The following COG1 variants were observed in gnomAD, a reference collection of about 807,000 sequenced individuals.
COG1 encodes conserved oligomeric Golgi complex subunit 1.
COG1 carries 61 observed loss-of-function variants against 102.2 expected under a neutral mutation model. The ratio of observed to expected loss-of-function variants is 0.60; its 90% CI spans 0.49 to 0.74. The LOEUF (loss-of-function observed/expected upper bound fraction) is 0.74, where lower values mean the gene tolerates loss of function less well. Ranked by LOEUF, COG1 falls within the 30% of genes least tolerant of loss-of-function variation. The probability of loss-of-function intolerance (pLI) is 0.00; values close to 1 mark genes in which losing one functional copy is unlikely to be tolerated. For missense variants in COG1, 1,164 were observed against 1,232.1 expected, an observed-to-expected ratio of 0.94 and a Z score of 0.83; for synonymous variants, 454 against 493.6, an observed-to-expected ratio of 0.92 and a Z score of 1.06.
At chr17:73,198,869 G>A (rs114898996) in intron 4 of COG1, among the ~76,000 whole-genome samples, 2 of 152,362 alleles carry the variant, frequency 1.3e-5, no homozygotes, top group African/African-American at 2.4e-5. Flanking sequence ...AAGGTAGAAA[G>A]GAAACAGAAG....
At chr17:73,196,113 C>T (rs1251473061) in intron 1 of COG1, among the ~76,000 whole-genome samples, 3 of 152,148 alleles carry the variant, frequency 2.0e-5, no homozygotes, top group African/African-American at 7.2e-5. Context: ...TGTATCCTCA[C>T]GTGGGGGAAG....
At chr17:73,205,214 A>G (rs1360902816) in intron 9 of COG1, 1 of 316,558 alleles carries the variant, frequency 3.2e-6, no homozygotes, top group African/African-American at 2.2e-5. Flanking sequence ...ACAAATCCTG[A>G]TTTTGGAAAG....
At position 73,196,619 on chromosome 17, in the gene COG1, C is replaced by T; in HGVS notation, c.428C>T (p.Ala143Val). Residue 143 changes from alanine (A) to valine (V), a missense_variant, in exon 2 of 14, where the codon GCC becomes GTC. By Grantham distance (64) the Ala-to-Val change is moderately conservative (BLOSUM62 0). Transcript: ENST00000299886. ...ATGGAAGCCTCTCAGTGTCTCCACGCCACACAGCTCTACCTGCTCTGCTGC... is the reference window on the plus strand; with the variant it reads ...ATGGAAGCCTCTCAGTGTCTCCACGTCACACAGCTCTACCTGCTCTGCTGC... ...SSMEASQCLHATQLYLLCCHL... is the reference protein window; with the variant it reads ...SSMEASQCLHVTQLYLLCCHL... 1 of 1,614,204 alleles carries T rather than the reference C, an allele frequency of 6.2e-7. No individual in the cohort carries two copies. Among genetic ancestry groups the T allele is most frequent in the African/African-American group, 1.3e-5 (1 of 75,052 alleles).
chr17:73,205,031 C>T lies in COG1; in HGVS notation c.2383-522C>T, dbSNP rs1470626640. On this transcript the variant is annotated intron_variant, in intron 9 of 13. Transcript: ENST00000299886. Reference sequence around the variant, plus strand: ...TACAAAAATTAGCCGGGTGTGGTGGCGTACATCTGTAGTCCCAGCTACTCA... The same window carrying T: ...TACAAAAATTAGCCGGGTGTGGTGGTGTACATCTGTAGTCCCAGCTACTCA... The T allele has an allele frequency of 2.8e-5, 5 of 175,572 alleles. 1 individual carries two copies. The South Asian group carries it at 3.7e-4, about 13-fold the overall frequency. 10.9% of individuals were successfully genotyped at this position (175,572 alleles called of 1,614,324 possible).
At chr17:73,206,130 T>A in intron 10 of COG1, 24 bp from the exon 11 acceptor site, 1 of 1,541,436 alleles carries the variant, frequency 6.5e-7, no homozygotes, top group Non-Finnish European at 9.0e-7. Flanking sequence ...ATGTGGACAG[T>A]AATGATCCTA....
Position 73,200,801 on chromosome 17 carries a change from A to G in COG1, c.1281+25A>G, listed in dbSNP as rs372232017. On this transcript the variant is annotated intron_variant, in intron 6 of 13. Coordinates refer to ENST00000299886, the MANE Select transcript of COG1 (RefSeq NM_018714.3). ...GGTGAGCTGGACAGTCACATGGTCTACCTGTTTTATGGCCAATCCTAGTGG... is the reference window on the plus strand; with the variant it reads ...GGTGAGCTGGACAGTCACATGGTCTGCCTGTTTTATGGCCAATCCTAGTGG... 4 of 1,599,926 alleles carry G rather than the reference A, an allele frequency of 2.5e-6. No homozygotes were observed. The African/African-American group carries it at 5.4e-5, about 21-fold the overall frequency.
intron 3 of COG1, 52 bp from the exon 4 acceptor site, chr17:73,197,174 C>G: frequency 1.9e-6 from 3 of 1,613,590 alleles, no homozygotes; most frequent in Non-Finnish European, 2.5e-6. Flanking sequence ...CGTCCTCTGT[C>G]TTTCACTTTG....
At chr17:73,207,025 G>T (rs935277177) in intron 12 of COG1, 156 bp from the exon 13 acceptor site, 1 of 732,480 alleles carries the variant, frequency 1.4e-6, no homozygotes, top group East Asian at 2.7e-5. Context: ...CCCAGGAGGC[G>T]GAGCTTGCAG....
rs2061377083 is a variant in COG1 at position 73,206,916 on chromosome 17, CCT to C, written c.2729+100_2729+101del. On this transcript the variant is annotated intron_variant, in intron 12 of 13. Transcript: ENST00000299886. Reference sequence around the variant, plus strand: ...ACCATCCTGGCTAACATGGTGAAACCCTGTCTCTACTAAAAAAAATACAAAAA... The same window carrying C: ...ACCATCCTGGCTAACATGGTGAAACCGTCTCTACTAAAAAAAATACAAAAA... The C allele has an allele frequency of 9.1e-6, 8 of 882,404 alleles. No homozygotes were observed. The South Asian group carries it at 1.1e-4, about 12-fold the overall frequency. 54.7% of individuals were successfully genotyped at this position (882,404 alleles called of 1,614,324 possible). A position where few individuals can be genotyped will look rare whatever the true frequency, so the allele number is the denominator to read the frequency against.
chr17:73,203,554 A>G, intron 8 of COG1, 78 bp from the exon 9 acceptor site: 1 of 1,562,018 alleles, frequency 6.4e-7, no homozygotes, highest in Admixed American at 1.7e-5. Flanking sequence ...AGGCCTTGTA[A>G]GATTAAGTGG....
chr17:73,202,247 G>A (rs1394563493), intron 7 of COG1, among the ~76,000 whole-genome samples: 4 of 152,196 alleles, frequency 2.6e-5, no homozygotes, highest in Non-Finnish European at 5.9e-5. Context: ...GCTGAGGCAG[G>A]AGAATGGTGT....
intron 9 of COG1, 113 bp downstream of exon 9, chr17:73,203,906 C>T (rs1376342362): frequency 8.3e-7 from 1 of 1,211,474 alleles, no homozygotes; most frequent in African/African-American, 1.5e-5. Context: ...AAGGATCACC[C>T]AGCCCAGGCA....
At chr17:73,208,233 CCGAGTGGCGTCGCGCGGAGGG>C in intron 13 of COG1, 60 bp from the exon 14 acceptor site, 3 of 1,606,202 alleles carry the variant, frequency 1.9e-6, no homozygotes, top group Non-Finnish European at 2.5e-6. Flanking sequence ...CGTGTGGACT[CCGAGTGGCGTCGCGCGGAGGG>C]CGAGTGGGCA....
intron 2 of COG1, 48 bp from the exon 3 acceptor site, chr17:73,196,852 C>A: frequency 6.2e-7 from 1 of 1,613,638 alleles, no homozygotes; most frequent in Non-Finnish European, 8.5e-7. Context: ...AAGCTCTTTA[C>A]CCAAGATGTG....
chr17:73,199,206 C>T (rs2061336693), intron 4 of COG1, among the ~76,000 whole-genome samples: 1 of 152,206 alleles, frequency 6.6e-6, no homozygotes, highest in South Asian at 2.1e-4. Context: ...CTATGAACGA[C>T]TCAGTTAATC....
In COG1 at chr17:73,201,855, G is replaced by A. The variant is rs761051441; in HGVS notation, c.2028G>A (p.Gln676=). 13 of 1,614,210 alleles carry A rather than the reference G, an allele frequency of 8.1e-6. No individual in the cohort carries two copies. Among genetic ancestry groups the A allele is most frequent in the Non-Finnish European group, 1.1e-5 (13 of 1,180,040 alleles). ...KWQEVKEVLL[Q]QSVMGYQVWS... is the part of the protein sequence containing the mutation. ...AAGAGGTTAAAGAAGTACTCCTCCA[G>A]CAGAGCGTGATGGGCTACCAGGTCT... Residue 676 remains glutamine (Q), a synonymous_variant, in exon 7 of 14, where the codon CAG becomes CAA. Coordinates refer to ENST00000299886, the MANE Select transcript of COG1 (RefSeq NM_018714.3).
chr17:73,205,215 T>C lies in COG1; in HGVS notation c.2383-338T>C, dbSNP rs77293706. On this transcript the variant is annotated intron_variant, in intron 9 of 13. Transcript: ENST00000299886. ...AAACCCAAGAAGGAACAAATCCTGA[T>C]TTTGGAAAGAATTCAGTAAGTCTTC... The C allele has an allele frequency of 7.4e-4, 232 of 313,448 alleles. 3 individuals carry two copies. In the East Asian group the frequency reaches 0.017, roughly 23 times the overall value. 19.4% of individuals were successfully genotyped at this position (313,448 alleles called of 1,614,324 possible).
At chr17:73,207,712 A>G (rs1225265710) in intron 13 of COG1, 3 of 1,291,894 alleles carry the variant, frequency 2.3e-6, no homozygotes, top group East Asian at 5.5e-5. Flanking sequence ...TACGATGCCA[A>G]CTGTTAAGCC....
In COG1 at chr17:73,200,841, T is replaced by G. The variant is rs538405545; in HGVS notation, c.1281+65T>G. 3.1e-5 allele frequency: 45 copies of G among 1,457,448 alleles called. No individual in the cohort carries two copies. In the South Asian group the frequency reaches 4.8e-4, roughly 16 times the overall value. The allele number at this position is 1,457,448 out of a possible 1,614,324, so 90.3% of individuals were successfully genotyped here. ...AATCCTAGTGGTATTTTGACTGTCT[T>G]GGGAGATTTCTGTCGCTTCCCAAGT... is the stretch of plus-strand genomic sequence containing the variant. On this transcript the variant is annotated intron_variant, in intron 6 of 13. Transcript: ENST00000299886.
Sources: allele counts gnomAD v4.1 joint callset (sites outside exome capture counted in the v4.1 genomes callset), GRCh38; gene constraint gnomAD v4.1.1; transcripts MANE v1.5; gene names NCBI Gene and HGNC (gene_info 2026-07-23, HGNC 2026-07-21).